Variants in MRAP2 observed in about 807,000 individuals in gnomAD.
MRAP2 encodes the protein melanocortin-2 receptor accessory protein 2.
In MRAP2, 20 loss-of-function variants were observed where a neutral mutation model predicts 17.4. That is an observed-to-expected ratio of 1.15 (90% CI 0.81 to 1.67). The LOEUF (loss-of-function observed/expected upper bound fraction) is 1.67. MRAP2 is among the 40% of genes most tolerant of loss of function. MRAP2 has a pLI of 0.00. For missense variants in MRAP2, 238 were observed against 240.0 expected, an observed-to-expected ratio of 0.99 and a Z score of 0.05; for synonymous variants, 96 against 88.4, an observed-to-expected ratio of 1.09 and a Z score of -0.48.
chr6:84,145,278 T>C, the MRAP2 span, among the ~76,000 whole-genome samples: 27 of 152,256 alleles, frequency 1.8e-4, no homozygotes, highest in Middle Eastern at 3.4e-3. Flanking sequence ...GGCAAGCCTT[T>C]GGCATGCGTT....
the MRAP2 span, among the ~76,000 whole-genome samples, chr6:84,138,194 T>C: frequency 6.6e-6 from 1 of 152,216 alleles, no homozygotes; most frequent in East Asian, 1.9e-4. Context: ...TGTGGTCATG[T>C]GGAGTCAAGG....
At chr6:84,068,301 G>C (rs941563153) in intron 3 of MRAP2, among the ~76,000 whole-genome samples, 1 of 152,118 alleles carries the variant, frequency 6.6e-6, no homozygotes, top group African/African-American at 2.4e-5. Flanking sequence ...TTATAGTATA[G>C]TTTGAAACCA....
the MRAP2 span, among the ~76,000 whole-genome samples, chr6:84,098,630 G>T: frequency 6.6e-6 from 1 of 152,046 alleles, no homozygotes; most frequent in Admixed American, 6.5e-5. Context: ...CCAACATATT[G>T]TAACATCAGT....
At chr6:84,062,109 A>G (rs1455902504) in intron 2 of MRAP2, 43 of 985,350 alleles carry the variant, frequency 4.4e-5, no homozygotes, top group Non-Finnish European at 5.1e-5. Context: ...ATGCTAACCA[A>G]TTGAGTTGTT....
At chr6:84,102,949 A>G in the MRAP2 span, among the ~76,000 whole-genome samples, 4 of 152,226 alleles carry the variant, frequency 2.6e-5, no homozygotes, top group Admixed American at 2.6e-4. Flanking sequence ...CTAGAAAATC[A>G]AGAAGTAAAA....
chr6:84,117,335 TTTTTA>T, the MRAP2 span, among the ~76,000 whole-genome samples: 2 of 152,148 alleles, frequency 1.3e-5, no homozygotes, highest in Admixed American at 6.5e-5. Flanking sequence ...AAGTTTCCTT[TTTTTA>T]TTTTATCTCT....
chr6:84,034,292 G>GC (rs2099485359), intron 1 of MRAP2, among the ~76,000 whole-genome samples: 1 of 152,018 alleles, frequency 6.6e-6, no homozygotes, highest in African/African-American at 2.4e-5. Flanking sequence ...AACTGAGAGA[G>GC]CCCCCCTGGG....
chr6:84,087,316 G>C (rs2099500737), intron 3 of MRAP2, among the ~76,000 whole-genome samples: 1 of 152,208 alleles, frequency 6.6e-6, no homozygotes, highest in African/African-American at 2.4e-5. Flanking sequence ...GCATTCTTTT[G>C]AGTTTCTGAT....
chr6:84,044,375 C>T (rs1417078811), intron 1 of MRAP2, among the ~76,000 whole-genome samples: 3 of 152,160 alleles, frequency 2.0e-5, no homozygotes, highest in African/African-American at 7.2e-5. Context: ...TTAGTAGAGA[C>T]GAGGTTTCTC....
chr6:84,112,798 A>G, the MRAP2 span, among the ~76,000 whole-genome samples: 1,009 of 152,096 alleles, frequency 6.6e-3, 7 homozygotes, highest in African/African-American at 0.023. Flanking sequence ...CTGGTACATC[A>G]TGTCTTTGTT....
intron 3 of MRAP2, among the ~76,000 whole-genome samples, chr6:84,085,596 G>T (rs942320156): frequency 2.0e-5 from 3 of 152,098 alleles, no homozygotes; most frequent in Admixed American, 1.3e-4. Context: ...CAAGCAAAGG[G>T]GAAGAGCCAA....
At chr6:84,093,060 G>A (rs1445527386), downstream of MRAP2, among the ~76,000 whole-genome samples, 1 of 152,152 alleles carries the variant, frequency 6.6e-6, no homozygotes, top group African/African-American at 2.4e-5. Context: ...GGTACAATGT[G>A]TTTTTAGCTG....
chr6:84,114,975 T>G, the MRAP2 span, among the ~76,000 whole-genome samples: 1 of 152,204 alleles, frequency 6.6e-6, no homozygotes, highest in Admixed American at 6.5e-5. Flanking sequence ...ACCCGTCAGA[T>G]GCCAGCCAGA....
the MRAP2 span, among the ~76,000 whole-genome samples, chr6:84,118,969 C>A: frequency 1.3e-5 from 2 of 152,018 alleles, no homozygotes; most frequent in Non-Finnish European, 2.9e-5. Flanking sequence ...GTTCTTGGTA[C>A]CTTTATTGAA....
the MRAP2 span, among the ~76,000 whole-genome samples, chr6:84,097,026 G>A: frequency 6.6e-6 from 1 of 152,196 alleles, no homozygotes; most frequent in African/African-American, 2.4e-5. Context: ...ACTTTCAACA[G>A]AGAGGTCTAA....
rs76587605 is a variant in MRAP2, at chr6:84,039,490, T to C, written c.-8+5607T>C. Among the ~76,000 whole-genome samples, 305 of 152,310 alleles carry C rather than the reference T, an allele frequency of 2.0e-3. 1 individual carries two copies. Among genetic ancestry groups the C allele is most frequent in the Non-Finnish European group, 2.6e-3 (179 of 68,020 alleles). The stretch of plus-strand genomic sequence containing the variant: ...TGCATTTTCCTTGCAATCATGATTC[T>C]GCAGTCCCTTATAGTATTGTTGAGA... On this transcript the variant is annotated intron_variant, in intron 1 of 3. Coordinates refer to ENST00000257776, the MANE Select transcript of MRAP2 (RefSeq NM_138409.4).
intron 3 of MRAP2, among the ~76,000 whole-genome samples, chr6:84,087,817 A>T (rs2099500876): frequency 6.6e-6 from 1 of 152,168 alleles, no homozygotes; most frequent in South Asian, 2.1e-4. Context: ...AGGTTTCTGA[A>T]AGGATTTCTT....
intron 1 of MRAP2, among the ~76,000 whole-genome samples, chr6:84,034,684 G>C (rs1470939401): frequency 1.3e-5 from 2 of 151,974 alleles, no homozygotes; most frequent in Non-Finnish European, 2.9e-5. Context: ...GAAACACTCT[G>C]GTGTTTTGAA....
At chr6:84,073,668 A>G (rs1377937554) in intron 3 of MRAP2, among the ~76,000 whole-genome samples, 1 of 152,064 alleles carries the variant, frequency 6.6e-6, no homozygotes, top group Non-Finnish European at 1.5e-5. Flanking sequence ...GGGGCTCTGG[A>G]CTCAAACATT....
Sources: gnomAD v4.1 joint callset for allele counts (sites outside exome capture counted in the v4.1 genomes callset) on GRCh38, gnomAD v4.1.1 for gene constraint, MANE v1.5 for transcripts, NCBI Gene and HGNC (gene_info 2026-07-23, HGNC 2026-07-21) for gene names.